The following COBL variants were observed in gnomAD, a reference collection of about 807,000 sequenced individuals.
The protein encoded by COBL is protein cordon-bleu.
A neutral mutation model predicts 98.8 loss-of-function variants in COBL; 51 were observed. That is an observed-to-expected ratio of 0.52 (90% confidence interval 0.41 to 0.65). COBL has a LOEUF of 0.65. COBL is among the 30% of genes least tolerant of loss of function. The probability of loss-of-function intolerance (pLI) is 0.00; values close to 1 mark genes in which losing one functional copy is unlikely to be tolerated. For synonymous variants in COBL, 634 were observed against 651.7 expected (o/e 0.97, Z 0.41); for missense variants, 1,617 against 1,617.5 (o/e 1.00, Z 0.01).
intron 6 of COBL, among the ~76,000 whole-genome samples, chr7:51,117,187 A>C (rs1282922410): frequency 7.9e-6 from 1 of 126,004 alleles, no homozygotes; most frequent in African/African-American, 2.9e-5. Flanking sequence ...GTAGCTATGC[A>C]CAGTTTTCTT....
In COBL at chr7:51,219,788, G is replaced by A. The variant is rs368658789; in HGVS notation, c.198C>T (p.Thr66=). ...TCTCCAGCCCACTAGGCAGGACCAC[G>A]GTGACGTCCATGGTGCTGGCCCTCA... is the stretch of plus-strand genomic sequence containing the variant. ...EALRASTMDV[T]VVLPSGLEKR... Residue 66 remains threonine (T), a synonymous_variant, in exon 2 of 13, where the codon ACC becomes ACT. Transcript: ENST00000265136. 35 of 1,614,106 alleles carry A rather than the reference G, an allele frequency of 2.2e-5. No homozygotes were observed. Among genetic ancestry groups the A allele is most frequent in the South Asian group, 2.0e-4 (18 of 91,078 alleles).
intron 1 of COBL, among the ~76,000 whole-genome samples, chr7:51,235,264 G>A (rs1795143314): frequency 6.6e-6 from 1 of 152,148 alleles, no homozygotes; most frequent in Non-Finnish European, 1.5e-5. Context: ...GTGGCCCCCA[G>A]GTTTGGAGGA....
chr7:51,119,326 T>C (rs1797547834), intron 6 of COBL, among the ~76,000 whole-genome samples: 1 of 152,138 alleles, frequency 6.6e-6, no homozygotes, highest in South Asian at 2.1e-4. Flanking sequence ...AGCTCAATAC[T>C]AAGGGAAACA....
intron 7 of COBL, chr7:51,073,427 G>A (rs912848372): frequency 7.7e-6 from 5 of 650,776 alleles, no homozygotes; most frequent in Admixed American, 2.2e-5. Context: ...ACGCACACTT[G>A]CGGTGAAATA....
chr7:51,254,643 T>G (rs766249672), intron 1 of COBL, among the ~76,000 whole-genome samples: 7 of 152,194 alleles, frequency 4.6e-5, no homozygotes, highest in Non-Finnish European at 8.8e-5. Flanking sequence ...AATCAGATTC[T>G]AGAATGGTTG....
In COBL at chr7:51,193,451, A is replaced by G. The variant is rs138542521; in HGVS notation, c.384T>C (p.Asn128=). ...TTTCTTTCAGAAACACAGTATGCACATTCAGGGTCCCAATCAAAGTATTTG... is the reference window on the plus strand; with the variant it reads ...TTTCTTTCAGAAACACAGTATGCACGTTCAGGGTCCCAATCAAAGTATTTG... ...FKPNTLIGTL[N]VHTVFLKEKV... The change falls in exon 3 of 13, where the codon AAT becomes AAC. Residue 128 remains asparagine, a synonymous_variant. Coordinates refer to ENST00000265136, the MANE Select transcript of COBL (RefSeq NM_015198.5). The G allele has an allele frequency of 1.9e-6, 3 of 1,614,080 alleles. No homozygotes were observed. In the African/African-American group the frequency reaches 4.0e-5, roughly 22 times the overall value.
chr7:51,141,619 G>C (rs1799756008), intron 5 of COBL, among the ~76,000 whole-genome samples: 1 of 151,190 alleles, frequency 6.6e-6, no homozygotes, highest in South Asian at 2.1e-4. Flanking sequence ...GCCCCCTTTT[G>C]AAAGGCTTTA....
intron 5 of COBL, among the ~76,000 whole-genome samples, chr7:51,174,885 CTTTTTTT>C (rs1032784548): frequency 2.6e-5 from 4 of 152,210 alleles, no homozygotes; most frequent in African/African-American, 4.8e-5. Context: ...GCCTCAGTTT[CTTTTTTT>C]AGGCCGACAT....
At chr7:51,157,367 C>T (rs375577893) in intron 5 of COBL, among the ~76,000 whole-genome samples, 41 of 152,172 alleles carry the variant, frequency 2.7e-4, no homozygotes, top group African/African-American at 7.2e-4. Context: ...AGCAAGACTC[C>T]GCCTCAAAAA....
intron 7 of COBL, among the ~76,000 whole-genome samples, chr7:51,051,184 T>C (rs957428521): frequency 1.3e-5 from 2 of 152,220 alleles, no homozygotes; most frequent in African/African-American, 4.8e-5. Flanking sequence ...CCTTCTTCTT[T>C]AAGACTGTCT....
At chr7:51,018,902 AAAAATATATATATATATATATATATATAT>A (rs1419100876) in intron 12 of COBL, among the ~76,000 whole-genome samples, 11 of 52,638 alleles carry the variant, frequency 2.1e-4, no homozygotes, top group Non-Finnish European at 3.6e-4. Flanking sequence ...AAAAAAAAAA[AAAAATATATATATATATATATATATATAT>A]ATATATATAT....
chr7:51,207,873 G>A (rs1156852096), intron 2 of COBL, among the ~76,000 whole-genome samples: 20 of 143,388 alleles, frequency 1.4e-4, no homozygotes, highest in Non-Finnish European at 2.2e-4. Flanking sequence ...AGTGAGGAGC[G>A]TCTCTGCCTG....
Position 51,085,200 on chromosome 7 carries a change from A to G in COBL, c.1062T>C (p.Thr354=). 1 of 1,613,210 alleles carries G rather than the reference A, an allele frequency of 6.2e-7. No homozygotes were observed. Among genetic ancestry groups the G allele is most frequent in the Non-Finnish European group, 8.5e-7 (1 of 1,179,806 alleles). The change falls in exon 7 of 13, where the codon ACT becomes ACC. Residue 354 remains threonine (T), a synonymous_variant. Coordinates refer to ENST00000265136, the MANE Select transcript of COBL (RefSeq NM_015198.5). ...PPPSPLIPNR[T]EDKEENRKST... The stretch of plus-strand genomic sequence containing the variant: ...TCTTCCTGTTCTCCTCCTTATCCTC[A>G]GTGCGGTTGGGGATCAGGGGACTCG...
intron 1 of COBL, among the ~76,000 whole-genome samples, chr7:51,247,486 T>C (rs1796357287): frequency 6.6e-6 from 1 of 152,208 alleles, no homozygotes; most frequent in South Asian, 2.1e-4. Context: ...AGACAACTGG[T>C]TGGATGAATT....
rs778723902 is a variant in COBL at position 51,065,094 on chromosome 7, C to G, written c.1096+20072G>C. The G allele has an allele frequency of 2.5e-5, 17 of 672,132 alleles. No homozygotes were observed. In the South Asian group the frequency reaches 2.6e-4, roughly 10 times the overall value. The allele number at this position is 672,132 out of a possible 1,614,324, so 41.6% of individuals were successfully genotyped here. On this transcript the variant is annotated intron_variant, in intron 7 of 12. Transcript: ENST00000265136. ...AGTCGGTCCATAGAAAACACCTTCA[C>G]AGTATTCTAACAAGCACACAGAGGA... is the stretch of plus-strand genomic sequence containing the variant.
chr7:51,163,310 C>A, intron 5 of COBL, among the ~76,000 whole-genome samples: 1 of 152,200 alleles, frequency 6.6e-6, no homozygotes, highest in Non-Finnish European at 1.5e-5. Flanking sequence ...AAGAGAGCAT[C>A]ATAGCCAACA....
chr7:51,268,468 C>T (rs960446636), intron 1 of COBL, among the ~76,000 whole-genome samples: 1 of 152,168 alleles, frequency 6.6e-6, no homozygotes, highest in Non-Finnish European at 1.5e-5. Flanking sequence ...TTTCCTACCA[C>T]CCTTCCTGCA....
chr7:51,310,962 AT>A (rs1440576045), intron 1 of COBL, among the ~76,000 whole-genome samples: 569 of 141,958 alleles, frequency 4.0e-3, no homozygotes, highest in Non-Finnish European at 3.8e-3. Context: ...GGCCGGTTGT[AT>A]TTTTTTTTTT....
chr7:51,143,536 AT>A (rs1784751222), intron 5 of COBL, among the ~76,000 whole-genome samples: 1 of 152,178 alleles, frequency 6.6e-6, no homozygotes, highest in Non-Finnish European at 1.5e-5. Context: ...GTTAATGAGC[AT>A]TTTAATAATA....
Sources: gnomAD v4.1 joint callset for allele counts (sites outside exome capture counted in the v4.1 genomes callset) on GRCh38, gnomAD v4.1.1 for gene constraint, MANE v1.5 for transcripts, NCBI Gene and HGNC (gene_info 2026-07-23, HGNC 2026-07-21) for gene names.